The following RPRD1A variants were observed in gnomAD, a reference collection of about 807,000 sequenced individuals.
RPRD1A encodes regulation of nuclear pre-mRNA domain containing 1A.
In RPRD1A, 9 loss-of-function variants were observed where a neutral mutation model predicts 37.8. That is an observed-to-expected ratio of 0.24 (90% confidence interval 0.14 to 0.42). The LOEUF (loss-of-function observed/expected upper bound fraction) is 0.42, where lower values mean the gene tolerates loss of function less well. RPRD1A is among the 10% of genes least tolerant of loss of function. The probability of loss-of-function intolerance (pLI) is 1.00; values close to 1 mark genes in which losing one functional copy is unlikely to be tolerated. For synonymous variants in RPRD1A, 138 were observed against 139.7 expected, an observed-to-expected ratio of 0.99 and a Z score of 0.08; for missense variants, 255 against 371.0, an observed-to-expected ratio of 0.69 and a Z score of 2.57.
At chr18:36,047,148 CA>C (rs1329857279) in intron 1 of RPRD1A, among the ~76,000 whole-genome samples, 1 of 151,980 alleles carries the variant, frequency 6.6e-6, no homozygotes, top group Non-Finnish European at 1.5e-5. Flanking sequence ...TTGGAGGTTA[CA>C]GTGAGCTGCG....
intron 6 of RPRD1A, among the ~76,000 whole-genome samples, chr18:36,020,553 G>A (rs190678643): frequency 3.3e-5 from 5 of 152,146 alleles, no homozygotes; most frequent in Non-Finnish European, 4.4e-5. Context: ...AATTATTAAC[G>A]GATCAATATG....
chr18:36,006,434 A>G (rs1322328161), intron 6 of RPRD1A, among the ~76,000 whole-genome samples: 1 of 152,196 alleles, frequency 6.6e-6, no homozygotes, highest in African/African-American at 2.4e-5. Context: ...CTCCCACTTC[A>G]GCCTCCCAAA....
chr18:36,031,628 T>C (rs188150512), intron 2 of RPRD1A, among the ~76,000 whole-genome samples: 13 of 152,264 alleles, frequency 8.5e-5, no homozygotes, highest in East Asian at 5.8e-4. Flanking sequence ...ACTAGACATA[T>C]GGGGAAATGA....
intron 6 of RPRD1A, among the ~76,000 whole-genome samples, chr18:36,015,833 G>A (rs989504018): frequency 6.6e-6 from 1 of 152,122 alleles, no homozygotes; most frequent in African/African-American, 2.4e-5. Flanking sequence ...TTGTTGAATG[G>A]GTAGGTACAG....
chr18:36,031,119 A>G (rs935979159), intron 2 of RPRD1A, 22 bp from the exon 3 acceptor site: 4 of 1,528,010 alleles, frequency 2.6e-6, no homozygotes, highest in Non-Finnish European at 8.7e-7. Context: ...AAAAAAGAAA[A>G]AAAGAAAAAT....
chr18:36,034,309 G>C (rs1912032718), intron 1 of RPRD1A, among the ~76,000 whole-genome samples: 1 of 152,138 alleles, frequency 6.6e-6, no homozygotes, highest in African/African-American at 2.4e-5. Flanking sequence ...ATAAATATTT[G>C]CCAAGCTAAT....
intron 6 of RPRD1A, among the ~76,000 whole-genome samples, chr18:36,014,066 C>T (rs201580707): frequency 6.6e-6 from 1 of 152,022 alleles, no homozygotes; most frequent in African/African-American, 2.4e-5. Context: ...TATACACACA[C>T]CTACATACAC....
At chr18:36,018,540 T>C (rs1347680971) in intron 6 of RPRD1A, among the ~76,000 whole-genome samples, 1 of 152,198 alleles carries the variant, frequency 6.6e-6, no homozygotes, top group African/African-American at 2.4e-5. Flanking sequence ...CCCAAAGTGC[T>C]AGGATTACAG....
chr18:36,048,849 G>A (rs1913155401), intron 1 of RPRD1A, among the ~76,000 whole-genome samples: 1 of 152,158 alleles, frequency 6.6e-6, no homozygotes, highest in Non-Finnish European at 1.5e-5. Context: ...GTCCTTATTT[G>A]CAGATGACAT....
chr18:36,028,192 T>C (rs1339639234), intron 4 of RPRD1A: 2 of 151,952 alleles, frequency 1.3e-5, no homozygotes, highest in African/African-American at 2.4e-5. Flanking sequence ...CTTTAAAAAA[T>C]ATAGGATATT....
At chr18:36,032,107 T>C (rs1023053344) in intron 2 of RPRD1A, among the ~76,000 whole-genome samples, 3 of 152,232 alleles carry the variant, frequency 2.0e-5, no homozygotes, top group South Asian at 2.1e-4. Context: ...TTGTTCTTTA[T>C]CTCATCACAT....
Position 36,015,891 on chromosome 18 carries a change from CAT to C in RPRD1A, c.789+11007_789+11008del, listed in dbSNP as rs1391595160. Among the ~76,000 whole-genome samples the C allele has an allele frequency of 3.9e-5, 6 of 152,264 alleles. No individual in the cohort carries two copies. The East Asian group carries it at 5.8e-4, about 15-fold the overall frequency. ...GAGTTCTAGAAATAAGGTGCAAAAT[CAT>C]GTGAATATAGTTAACACTAGTGACC... On this transcript the variant is annotated intron_variant, in intron 6 of 6. Transcript: ENST00000399022.
intron 1 of RPRD1A, among the ~76,000 whole-genome samples, chr18:36,050,239 A>G (rs1351102242): frequency 1.3e-5 from 2 of 151,918 alleles, no homozygotes; most frequent in East Asian, 3.9e-4. Flanking sequence ...TCTGTTATAC[A>G]TATTTATAAA....
At chr18:36,006,090 T>C (rs1490172392) in intron 6 of RPRD1A, among the ~76,000 whole-genome samples, 1 of 152,244 alleles carries the variant, frequency 6.6e-6, no homozygotes, top group African/African-American at 2.4e-5. Flanking sequence ...GAAGAAGTAC[T>C]TAGAACAGTG....
rs371911786 is a variant in RPRD1A, at chr18:36,005,878, C to T, written c.790-12578G>A. Among the ~76,000 whole-genome samples the T allele has an allele frequency of 5.7e-4, 87 of 152,114 alleles. 2 individuals carry two copies. The South Asian group carries it at 0.018, about 31-fold the overall frequency. ...TTTCTTTTTTTTACAACTATGTTTA[C>T]GATGACATTTTTAATCTATGATTTT... On this transcript the variant is annotated intron_variant, in intron 6 of 6. Coordinates refer to ENST00000399022, the MANE Select transcript of RPRD1A (RefSeq NM_018170.5).
chr18:36,047,346 G>A (rs1021979588), intron 1 of RPRD1A, among the ~76,000 whole-genome samples: 3 of 151,976 alleles, frequency 2.0e-5, no homozygotes, highest in African/African-American at 4.8e-5. Flanking sequence ...GAGAAATTCT[G>A]AATACCAAAG....
chr18:36,064,689 G>T (rs2088987690), intron 1 of RPRD1A, among the ~76,000 whole-genome samples: 1 of 152,150 alleles, frequency 6.6e-6, no homozygotes, highest in Admixed American at 6.5e-5. Flanking sequence ...CAATCAGCAG[G>T]ACGTGGCTGG....
At chr18:36,034,143 T>C (rs1221454346) in intron 1 of RPRD1A, among the ~76,000 whole-genome samples, 1 of 152,164 alleles carries the variant, frequency 6.6e-6, no homozygotes, top group Non-Finnish European at 1.5e-5. Flanking sequence ...GTTATTAAGA[T>C]GGCACCCTAA....
intron 1 of RPRD1A, among the ~76,000 whole-genome samples, chr18:36,048,975 C>T (rs1913170858): frequency 1.3e-5 from 2 of 152,220 alleles, no homozygotes; most frequent in Admixed American, 1.3e-4. Context: ...GATCTCAGCT[C>T]ACTGCAACCT....
Sources: allele counts gnomAD v4.1 joint callset (sites outside exome capture counted in the v4.1 genomes callset), GRCh38; gene constraint gnomAD v4.1.1; transcripts MANE v1.5; gene names NCBI Gene and HGNC (gene_info 2026-07-23, HGNC 2026-07-21).